CTNND2: variants seen among roughly 807,000 people sequenced by gnomAD.
The protein encoded by CTNND2 is catenin delta 2.
In CTNND2, 22 loss-of-function variants were observed where a neutral mutation model predicts 144.4. The ratio of observed to expected loss-of-function variants is 0.15; its 90% CI spans 0.11 to 0.22. The LOEUF is 0.22. Among genes scored for constraint, CTNND2 ranks in the 10% least tolerant of loss-of-function variants. CTNND2 has a pLI of 1.00. For synonymous variants in CTNND2, 751 were observed against 695.6 expected, an observed-to-expected ratio of 1.08 and a Z score of -1.25; for missense variants, 1,353 against 1,618.8, an observed-to-expected ratio of 0.84 and a Z score of 2.82.
intron 2 of CTNND2, among the ~76,000 whole-genome samples, chr5:11,655,582 A>G (rs1363978072): frequency 6.6e-6 from 1 of 152,150 alleles, no homozygotes. Flanking sequence ...AATAAATTAT[A>G]TTAATAGATA....
intron 14 of CTNND2, among the ~76,000 whole-genome samples, chr5:11,109,993 G>A (rs1171695217): frequency 6.6e-6 from 1 of 152,010 alleles, no homozygotes; most frequent in Non-Finnish European, 1.5e-5. Context: ...CTTTACTTGT[G>A]AAACTCTCTG....
chr5:11,107,634 T>C (rs1752552618), intron 14 of CTNND2, among the ~76,000 whole-genome samples: 2 of 152,238 alleles, frequency 1.3e-5, no homozygotes, highest in African/African-American at 4.8e-5. Context: ...TATACCTTTG[T>C]TGCATATAAA....
chr5:11,284,864 T>C (rs1747563491), intron 9 of CTNND2, among the ~76,000 whole-genome samples: 1 of 152,212 alleles, frequency 6.6e-6, no homozygotes, highest in Non-Finnish European at 1.5e-5. Context: ...ACTTTGCCTC[T>C]CTCACTGTCT....
intron 16 of CTNND2, among the ~76,000 whole-genome samples, chr5:11,035,580 G>C (rs1198253655): frequency 6.6e-6 from 1 of 152,218 alleles, no homozygotes; most frequent in Non-Finnish European, 1.5e-5. Flanking sequence ...CCACAGGTCT[G>C]GGGGAATAGG....
chr5:10,974,442 C>T (rs1209404487), intron 21 of CTNND2, among the ~76,000 whole-genome samples: 2 of 152,140 alleles, frequency 1.3e-5, no homozygotes, highest in Non-Finnish European at 1.5e-5. Context: ...TTTTATTTAT[C>T]CATTCATCCA....
intron 16 of CTNND2, among the ~76,000 whole-genome samples, chr5:11,053,616 C>A (rs73045980): frequency 0.052 from 7,951 of 152,218 alleles, 653 homozygotes; most frequent in African/African-American, 0.18. Context: ...GTGCATGGGG[C>A]CACAAAATGC....
At chr5:11,234,070 T>C (rs1242694934) in intron 10 of CTNND2, among the ~76,000 whole-genome samples, 1 of 152,166 alleles carries the variant, frequency 6.6e-6, no homozygotes, top group African/African-American at 2.4e-5. Context: ...GAGTGCCAGC[T>C]GCTGGGGGCC....
At chr5:11,255,080 C>T (rs1403031335) in intron 9 of CTNND2, among the ~76,000 whole-genome samples, 2 of 152,190 alleles carry the variant, frequency 1.3e-5, no homozygotes, top group East Asian at 1.9e-4. Flanking sequence ...TTTGTGTCAT[C>T]TATGAGTTTT....
At chr5:11,357,533 G>A (rs959942277) in intron 8 of CTNND2, among the ~76,000 whole-genome samples, 5 of 152,076 alleles carry the variant, frequency 3.3e-5, no homozygotes, top group African/African-American at 1.2e-4. Flanking sequence ...GACTAGGGAG[G>A]GGAGGAGGAT....
chr5:11,521,081 T>G (rs1219405770), intron 3 of CTNND2, among the ~76,000 whole-genome samples: 1 of 152,244 alleles, frequency 6.6e-6, no homozygotes, highest in African/African-American at 2.4e-5. Flanking sequence ...AATTTTCAAG[T>G]TGAAGATGTG....
At chr5:11,638,172 T>C (rs1282326229) in intron 2 of CTNND2, among the ~76,000 whole-genome samples, 1 of 152,150 alleles carries the variant, frequency 6.6e-6, no homozygotes, top group Non-Finnish European at 1.5e-5. Flanking sequence ...CCCATGCCTG[T>C]GTTACCTCTC....
chr5:11,762,487 A>T lies in CTNND2; in HGVS notation c.38-30215T>A, dbSNP rs1195274946. Among the ~76,000 whole-genome samples, 9 of 152,358 alleles carry T rather than the reference A, an allele frequency of 5.9e-5. No individual in the cohort carries two copies. The South Asian group carries it at 1.9e-3, about 32-fold the overall frequency. On this transcript the variant is annotated intron_variant, in intron 1 of 21. Transcript: ENST00000304623. ...ATATGTGCATATGAAACACTTGCTTATCCAGGAAACTAAATGATCCAAAAA... is the reference window on the plus strand; with the variant it reads ...ATATGTGCATATGAAACACTTGCTTTTCCAGGAAACTAAATGATCCAAAAA...
intron 3 of CTNND2, among the ~76,000 whole-genome samples, chr5:11,463,518 T>C (rs925388959): frequency 1.2e-4 from 18 of 152,300 alleles, no homozygotes; most frequent in Middle Eastern, 3.4e-3. Context: ...TGTTTGTGGC[T>C]ACTGTATCCT....
intron 1 of CTNND2, among the ~76,000 whole-genome samples, chr5:11,881,780 T>G (rs1736135237): frequency 6.6e-6 from 1 of 152,120 alleles, no homozygotes; most frequent in African/African-American, 2.4e-5. Flanking sequence ...GACCATATGG[T>G]ATTTTTATCT....
chr5:11,603,460 A>C (rs576359781), intron 2 of CTNND2, among the ~76,000 whole-genome samples: 2 of 152,248 alleles, frequency 1.3e-5, no homozygotes, highest in African/African-American at 2.4e-5. Context: ...AGGACTCTCA[A>C]AACATCTTGC....
intron 1 of CTNND2, among the ~76,000 whole-genome samples, chr5:11,787,631 C>G (rs957948135): frequency 1.3e-5 from 2 of 152,080 alleles, no homozygotes; most frequent in African/African-American, 4.8e-5. Flanking sequence ...ATTTGAAATA[C>G]TTGGTTGGTT....
chr5:11,259,875 C>G (rs1230619709), intron 9 of CTNND2, among the ~76,000 whole-genome samples: 2 of 152,200 alleles, frequency 1.3e-5, no homozygotes, highest in Admixed American at 1.3e-4. Context: ...TGTATCAAGA[C>G]TGTGGACCCA....
intron 3 of CTNND2, among the ~76,000 whole-genome samples, chr5:11,525,165 T>C (rs1380103763): frequency 7.9e-5 from 12 of 152,332 alleles, no homozygotes; most frequent in Middle Eastern, 3.4e-3. Flanking sequence ...TCTAGGGCTT[T>C]TTAGCTGCAG....
chr5:11,403,540 A>G (rs1387258841), intron 5 of CTNND2, among the ~76,000 whole-genome samples: 1 of 152,252 alleles, frequency 6.6e-6, no homozygotes, highest in Non-Finnish European at 1.5e-5. Flanking sequence ...GAGATTGCAC[A>G]TAATATTGTA....
Sources: allele counts gnomAD v4.1 joint callset (sites outside exome capture counted in the v4.1 genomes callset), GRCh38; gene constraint gnomAD v4.1.1; transcripts MANE v1.5; gene names NCBI Gene and HGNC (gene_info 2026-07-23, HGNC 2026-07-21).